EML2: variants seen among roughly 807,000 people sequenced by gnomAD.
EML2 encodes EMAP like 2.
Under a neutral mutation model 84.7 loss-of-function variants are expected in EML2, and 59 were observed. That is an observed-to-expected ratio of 0.70 (90% CI 0.56 to 0.86). The LOEUF is 0.86. Among genes scored for constraint, EML2 ranks in the 40% least tolerant of loss-of-function variants. The probability of loss-of-function intolerance (pLI) is 0.00; values close to 1 mark genes in which losing one functional copy is unlikely to be tolerated. For missense variants in EML2, 818 were observed against 855.6 expected (o/e 0.96, Z 0.55); for synonymous variants, 352 against 348.9 (o/e 1.01, Z -0.10).
At chr19:45,612,447 T>C (rs1209162472) in intron 18 of EML2, among the ~76,000 whole-genome samples, 3 of 152,140 alleles carry the variant, frequency 2.0e-5, no homozygotes, top group Non-Finnish European at 4.4e-5. Context: ...GAAACTAAGG[T>C]GGAGAGGATT....
chr19:45,610,653 C>T (rs577997008), intron 18 of EML2, among the ~76,000 whole-genome samples: 14 of 151,946 alleles, frequency 9.2e-5, no homozygotes, highest in African/African-American at 2.9e-4. Flanking sequence ...GCCTGGCCAA[C>T]GTGGTAAAAC....
intron 4 of EML2, among the ~76,000 whole-genome samples, chr19:45,633,752 G>GA (rs1362699904): frequency 6.7e-5 from 10 of 150,268 alleles, no homozygotes; most frequent in East Asian, 3.9e-4. Context: ...AAAGAAAAAA[G>GA]AAAAAAAAAG....
chr19:45,643,840 G>A, upstream of EML2: 1 of 1,317,308 alleles, frequency 7.6e-7, no homozygotes, highest in South Asian at 1.5e-5. Context: ...TGCAGAGGGA[G>A]GTGGGAGCCT....
At position 45,619,235 on chromosome 19, in the gene EML2, C is replaced by A. The variant is rs1176662888; in HGVS notation, c.1123-44G>T. Reference sequence around the variant, plus strand: ...AGCAGGATGGAGACAGCAGCCCTGGCCTTTTCCCACTCAACACTAATGCCA... The same window carrying A: ...AGCAGGATGGAGACAGCAGCCCTGGACTTTTCCCACTCAACACTAATGCCA... On this transcript the variant is annotated intron_variant, in intron 11 of 18. Transcript: ENST00000245925. 3.2e-6 allele frequency: 5 copies of A among 1,577,282 alleles called. No individual in the cohort carries two copies. The South Asian group carries it at 4.6e-5, about 15-fold the overall frequency.
At chr19:45,645,486 C>T (rs1221374495), upstream of EML2, 1 of 1,405,068 alleles carries the variant, frequency 7.1e-7, no homozygotes, top group South Asian at 1.5e-5. Flanking sequence ...CGGCGCCGGG[C>T]CCGGCGCTGG....
upstream of EML2, chr19:45,645,160 G>A (rs1444882633): frequency 3.3e-6 from 4 of 1,220,296 alleles, no homozygotes; most frequent in African/African-American, 1.5e-5. Context: ...GGAGAGAAAA[G>A]GGGGATCTTC....
At chr19:45,618,915 C>T in intron 12 of EML2, 145 bp downstream of exon 12, 1 of 948,742 alleles carries the variant, frequency 1.1e-6, no homozygotes, top group Non-Finnish European at 1.4e-6. Flanking sequence ...CCATTGCCCT[C>T]CAGCCTGGGT....
At chr19:45,626,918 C>G in intron 7 of EML2, 79 bp from the exon 8 acceptor site, 1 of 1,404,712 alleles carries the variant, frequency 7.1e-7, no homozygotes, top group Non-Finnish European at 9.6e-7. Flanking sequence ...CAGGACTGCC[C>G]TAAACGGCTG....
At chr19:45,643,720 T>A (rs558100479), upstream of EML2, 7 of 1,531,808 alleles carry the variant, frequency 4.6e-6, no homozygotes, top group Middle Eastern at 1.7e-4. Flanking sequence ...CCCTCTGGGC[T>A]CCGCAGTGCA....
At chr19:45,627,468 T>A (rs1972503917) in intron 7 of EML2, among the ~76,000 whole-genome samples, 1 of 149,556 alleles carries the variant, frequency 6.7e-6, no homozygotes, top group Non-Finnish European at 1.5e-5. Flanking sequence ...TTGGCCAGGC[T>A]GGTCTCAAAC....
chr19:45,639,383 G>C lies in EML2; in HGVS notation c.-7C>G. 1 of 1,262,146 alleles carries C rather than the reference G, an allele frequency of 7.9e-7. No homozygotes were observed. Among genetic ancestry groups the C allele is most frequent in the Non-Finnish European group, 1.0e-6 (1 of 995,712 alleles). The allele number at this position is 1,262,146 out of a possible 1,614,324, so 78.2% of individuals were successfully genotyped here. A position where few individuals can be genotyped will look rare whatever the true frequency, so the allele number is the denominator to read the frequency against. On this transcript the variant is annotated 5_prime_UTR_variant, in exon 1 of 19. Transcript: ENST00000245925. ...CAGCTCCAAAGCTACTCATGGCGGC[G>C]GGTGGCGGAGCTTCGGGGCCGGGGG...
chr19:45,632,177 G>A (rs1242326843), intron 6 of EML2, among the ~76,000 whole-genome samples: 1 of 137,352 alleles, frequency 7.3e-6, no homozygotes, highest in African/African-American at 2.9e-5. Flanking sequence ...ACAGGCGTGA[G>A]CCACTGCACC....
chr19:45,620,947 C>T, intron 11 of EML2: 1 of 588,670 alleles, frequency 1.7e-6, no homozygotes, highest in Non-Finnish European at 3.2e-6. Context: ...GGACACTCAC[C>T]AACCTGAAGG....
At chr19:45,627,961 T>A (rs1405883594) in intron 7 of EML2, among the ~76,000 whole-genome samples, 1 of 152,084 alleles carries the variant, frequency 6.6e-6, no homozygotes, top group African/African-American at 2.4e-5. Context: ...CTCGGGAGGC[T>A]GAGGCAGGAG....
chr19:45,644,848 C>G (rs1284194956), upstream of EML2: 4 of 455,548 alleles, frequency 8.8e-6, no homozygotes, highest in South Asian at 6.2e-5. Flanking sequence ...CCGTCCCTTT[C>G]CAGTCCCACA....
upstream of EML2, chr19:45,641,431 A>G (rs1431224476): frequency 3.5e-6 from 2 of 569,282 alleles, no homozygotes; most frequent in Non-Finnish European, 6.3e-6. Flanking sequence ...AACTCTGGCC[A>G]CGCCCCTCAA....
intron 18 of EML2, among the ~76,000 whole-genome samples, chr19:45,611,874 T>G (rs1359827113): frequency 6.6e-6 from 1 of 152,036 alleles, no homozygotes; most frequent in Non-Finnish European, 1.5e-5. Context: ...TGGGTTTTTT[T>G]GTTTTTGTTT....
rs376047965 is a variant in EML2 at position 45,614,670 on chromosome 19, C to T, written c.1628G>A (p.Ser543Asn). 11 of 1,613,982 alleles carry T rather than the reference C, an allele frequency of 6.8e-6. No individual in the cohort carries two copies. The highest frequency in any genetic ancestry group is 8.5e-6 in the Non-Finnish European group (10 of 1,179,968). ...TTCCATGTTCCTCACAGCATCCGCACTGGTGATCTGCTTACAGGTAGCCGG... is the reference window on the plus strand; with the variant it reads ...TTCCATGTTCCTCACAGCATCCGCATTGGTGATCTGCTTACAGGTAGCCGG... ...WDPATCKQITSADAVRNMEWA... is the reference protein window; with the variant it reads ...WDPATCKQITNADAVRNMEWA... The change falls in exon 17 of 19, where the codon AGT (serine) becomes AAT (asparagine). Residue 543 changes from serine to asparagine, a missense_variant. Coordinates refer to ENST00000245925, the MANE Select transcript of EML2 (RefSeq NM_012155.4).
At chr19:45,639,566 T>G (rs1600232070), upstream of EML2, 1 of 446,928 alleles carries the variant, frequency 2.2e-6, no homozygotes. Flanking sequence ...TCGGGGTGGG[T>G]GGGGGAGAGT....
Sources: gnomAD v4.1 joint callset for allele counts (sites outside exome capture counted in the v4.1 genomes callset) on GRCh38, gnomAD v4.1.1 for gene constraint, MANE v1.5 for transcripts, NCBI Gene and HGNC (gene_info 2026-07-23, HGNC 2026-07-21) for gene names.